The following PGM1 variants were observed in gnomAD, a reference collection of about 807,000 sequenced individuals.
The protein encoded by PGM1 is phosphoglucomutase 1.
A neutral mutation model predicts 55.6 loss-of-function variants in PGM1; 52 were observed. The ratio of observed to expected loss-of-function variants is 0.94; its 90% confidence interval spans 0.75 to 1.18. PGM1 has a LOEUF of 1.18. PGM1 is among the 50% of genes most tolerant of loss of function. PGM1 has a pLI of 0.00. For missense variants in PGM1, 724 were observed against 729.3 expected, an observed-to-expected ratio of 0.99 and a Z score of 0.08; for synonymous variants, 287 against 271.7, an observed-to-expected ratio of 1.06 and a Z score of -0.55.
At chr1:63,600,500 T>G (rs1648211615) in intron 1 of PGM1, among the ~76,000 whole-genome samples, 2 of 152,166 alleles carry the variant, frequency 1.3e-5, no homozygotes, top group Non-Finnish European at 2.9e-5. Flanking sequence ...TTGAACAAAG[T>G]TTCTGCTCTA....
In PGM1 at chr1:63,644,656, T is replaced by C. The variant is rs528709743; in HGVS notation, c.1145-3861T>C. 3.9e-5 allele frequency among the ~76,000 whole-genome samples: 6 copies of C among 152,356 alleles called. No individual in the cohort carries two copies. In the South Asian group the frequency reaches 1.2e-3, roughly 32 times the overall value. On this transcript the variant is annotated intron_variant, in intron 7 of 10. Transcript: ENST00000371084. Reference sequence around the variant, plus strand: ...AGTAGTTACATTACACCTCACAATGTATAAACTATTTCTACTTGCTTTTTC... The same window carrying C: ...AGTAGTTACATTACACCTCACAATGCATAAACTATTTCTACTTGCTTTTTC...
rs531538716 is a variant in PGM1, at chr1:63,639,108, C to T, written c.1144+308C>T. ...AGCGATAAACAGATTTTTCTTCCTT[C>T]GGTGGTCAAAGAAACCTTTATAAAT... On this transcript the variant is annotated intron_variant, in intron 7 of 10. Transcript: ENST00000371084. Among the ~76,000 whole-genome samples the T allele has an allele frequency of 1.5e-4, 23 of 152,192 alleles. No individual in the cohort carries two copies. In the South Asian group the frequency reaches 4.6e-3, roughly 30 times the overall value.
At chr1:63,632,711 G>A (rs1277358492) in intron 4 of PGM1, among the ~76,000 whole-genome samples, 1 of 152,150 alleles carries the variant, frequency 6.6e-6, no homozygotes, top group Non-Finnish European at 1.5e-5. Context: ...GAGACGAAGT[G>A]GGTAAAAAAC....
At chr1:63,603,188 C>T (rs779746244) in intron 1 of PGM1, among the ~76,000 whole-genome samples, 25 of 152,202 alleles carry the variant, frequency 1.6e-4, no homozygotes, top group Non-Finnish European at 2.8e-4. Context: ...CATGCATGGC[C>T]TTATTTCCTG....
At chr1:63,599,411 G>C (rs960188334) in intron 1 of PGM1, among the ~76,000 whole-genome samples, 1 of 151,766 alleles carries the variant, frequency 6.6e-6, no homozygotes, top group Non-Finnish European at 1.5e-5. Flanking sequence ...TCATCCGCCC[G>C]CCTCGGCCTC....
chr1:63,618,829 G>T (rs923871340), intron 1 of PGM1, among the ~76,000 whole-genome samples: 4 of 152,078 alleles, frequency 2.6e-5, no homozygotes, highest in Non-Finnish European at 5.9e-5. Context: ...CGATTCTCAG[G>T]TCTGATGAAT....
chr1:63,652,556 C>T (rs1194930190), intron 9 of PGM1, among the ~76,000 whole-genome samples: 1 of 126,234 alleles, frequency 7.9e-6, no homozygotes, highest in Non-Finnish European at 1.7e-5. Context: ...GGTTCTCTCA[C>T]CTCTGCTTCT....
intron 1 of PGM1, among the ~76,000 whole-genome samples, chr1:63,629,153 C>G (rs1649120439): frequency 6.6e-6 from 1 of 152,152 alleles, no homozygotes; most frequent in South Asian, 2.1e-4. Context: ...TGTTTTCATG[C>G]TGGAGCCTTA....
intron 4 of PGM1, among the ~76,000 whole-genome samples, chr1:63,634,424 A>G (rs1158519610): frequency 6.6e-6 from 1 of 152,174 alleles, no homozygotes; most frequent in Non-Finnish European, 1.5e-5. Context: ...TATACAGCCA[A>G]TGACTGGCAG....
At chr1:63,639,885 G>A (rs772435357) in intron 7 of PGM1, among the ~76,000 whole-genome samples, 4 of 152,176 alleles carry the variant, frequency 2.6e-5, no homozygotes, top group East Asian at 1.9e-4. Context: ...TGATATTTTC[G>A]AGAGTGGTAA....
intron 1 of PGM1, among the ~76,000 whole-genome samples, chr1:63,619,564 A>G (rs1351023380): frequency 6.6e-6 from 1 of 152,244 alleles, no homozygotes; most frequent in African/African-American, 2.4e-5. Context: ...CATTCAAGGC[A>G]TCACTGCCAG....
chr1:63,617,788 C>T (rs577168604), intron 1 of PGM1, among the ~76,000 whole-genome samples: 2 of 145,458 alleles, frequency 1.4e-5, no homozygotes, highest in East Asian at 2.0e-4. Flanking sequence ...ACCCAGGCAG[C>T]GTCTCCTGGT....
intron 6 of PGM1, among the ~76,000 whole-genome samples, chr1:63,636,849 C>G (rs963020540): frequency 2.6e-5 from 4 of 152,224 alleles, no homozygotes; most frequent in Non-Finnish European, 5.9e-5. Context: ...GATCACTTTT[C>G]TTTTGCAGTG....
intron 8 of PGM1, among the ~76,000 whole-genome samples, chr1:63,649,428 C>T (rs1649745222): frequency 1.3e-5 from 2 of 152,166 alleles, no homozygotes; most frequent in African/African-American, 4.8e-5. Context: ...GTGTAAAAAT[C>T]TAACAAGAAT....
chr1:63,606,462 G>A (rs1012910363), intron 1 of PGM1, among the ~76,000 whole-genome samples: 1 of 152,154 alleles, frequency 6.6e-6, no homozygotes, highest in Non-Finnish European at 1.5e-5. Flanking sequence ...CTTCTGTTGT[G>A]CAGCCTTCCC....
At position 63,629,523 on chromosome 1, in the gene PGM1, A is replaced by G. The variant is rs1649133639; in HGVS notation, c.345A>G (p.Thr115=). The change falls in exon 2 of 11, where the codon ACA becomes ACG. Residue 115 remains threonine (T), a synonymous_variant. Coordinates refer to ENST00000371084, the MANE Select transcript of PGM1 (RefSeq NM_002633.3). ...AAGCCATTGGTGGGATCATTCTGAC[A>G]GCCAGTCACAACCCAGGGGGCCCCA... ...KIKAIGGIIL[T]ASHNPGGPNG... 2.5e-6 allele frequency: 4 copies of G among 1,613,772 alleles called. No individual in the cohort carries two copies. In the South Asian group the frequency reaches 3.3e-5, roughly 13 times the overall value.
At chr1:63,600,472 T>A (rs1648210645) in intron 1 of PGM1, among the ~76,000 whole-genome samples, 1 of 152,216 alleles carries the variant, frequency 6.6e-6, no homozygotes, top group Non-Finnish European at 1.5e-5. Flanking sequence ...TTCTCGGTAC[T>A]ACGGATACAA....
chr1:63,595,223 C>G (rs1451754322), intron 1 of PGM1, among the ~76,000 whole-genome samples: 2 of 152,154 alleles, frequency 1.3e-5, no homozygotes, highest in African/African-American at 4.8e-5. Context: ...ATTTCTGGGT[C>G]TCATTTATCC....
intron 1 of PGM1, among the ~76,000 whole-genome samples, chr1:63,615,241 T>G (rs1287482091): frequency 6.6e-6 from 1 of 152,256 alleles, no homozygotes; most frequent in Non-Finnish European, 1.5e-5. Flanking sequence ...ATACCCTTTC[T>G]GTTTTTAGTA....
Sources: gnomAD v4.1 joint callset for allele counts (sites outside exome capture counted in the v4.1 genomes callset) on GRCh38, gnomAD v4.1.1 for gene constraint, MANE v1.5 for transcripts, NCBI Gene and HGNC (gene_info 2026-07-23, HGNC 2026-07-21) for gene names.